KIAA0319L: variants seen among roughly 807,000 people sequenced by gnomAD.
KIAA0319L encodes the protein KIAA0319 like.
A neutral mutation model predicts 120.1 loss-of-function variants in KIAA0319L; 55 were observed. The ratio of observed to expected loss-of-function variants is 0.46; its 90% confidence interval spans 0.37 to 0.57. The LOEUF (loss-of-function observed/expected upper bound fraction) is 0.57, where lower values mean the gene tolerates loss of function less well. Among genes scored for constraint, KIAA0319L ranks in the 20% least tolerant of loss-of-function variants. The probability of loss-of-function intolerance (pLI) is 0.00; values close to 1 mark genes in which losing one functional copy is unlikely to be tolerated. For synonymous variants in KIAA0319L, 398 were observed against 471.9 expected, an observed-to-expected ratio of 0.84 and a Z score of 2.03; for missense variants, 1,049 against 1,255.3, an observed-to-expected ratio of 0.84 and a Z score of 2.48.
At chr1:35,518,313 C>G (rs186145884) in intron 2 of KIAA0319L, among the ~76,000 whole-genome samples, 1 of 152,190 alleles carries the variant, frequency 6.6e-6, no homozygotes, top group African/African-American at 2.4e-5. Flanking sequence ...ATGGAATCAA[C>G]CTAAATGTTC....
chr1:35,474,020 GAATT>G (rs150993687), intron 5 of KIAA0319L, among the ~76,000 whole-genome samples: 3 of 152,254 alleles, frequency 2.0e-5, no homozygotes, highest in African/African-American at 7.2e-5. Flanking sequence ...CTTAAATAAT[GAATT>G]AATCATCCAT....
chr1:35,476,617 G>T (rs1420349006), intron 4 of KIAA0319L, among the ~76,000 whole-genome samples: 1 of 152,060 alleles, frequency 6.6e-6, no homozygotes, highest in African/African-American at 2.4e-5. Context: ...AGAAAAGAAA[G>T]AAACATGATA....
chr1:35,445,090 C>T (rs1641520404), intron 16 of KIAA0319L, among the ~76,000 whole-genome samples: 1 of 152,076 alleles, frequency 6.6e-6, no homozygotes, highest in Non-Finnish European at 1.5e-5. Context: ...ATATTGATCC[C>T]CTCATCATGC....
At chr1:35,548,426 T>A (rs1380415431) in intron 2 of KIAA0319L, among the ~76,000 whole-genome samples, 2 of 152,164 alleles carry the variant, frequency 1.3e-5, no homozygotes, top group African/African-American at 4.8e-5. Flanking sequence ...GTATTAATAG[T>A]TTTATATTTA....
chr1:35,443,254 G>A, intron 17 of KIAA0319L: 1 of 527,756 alleles, frequency 1.9e-6, no homozygotes, highest in Admixed American at 3.2e-5. Context: ...TTCACTTGTT[G>A]TTTGTCTATA....
chr1:35,512,906 GATA>G, intron 2 of KIAA0319L, among the ~76,000 whole-genome samples: 2 of 150,360 alleles, frequency 1.3e-5, no homozygotes, highest in East Asian at 3.9e-4. Context: ...TGAAAGAAGG[GATA>G]TTACTACAGA....
chr1:35,543,279 G>A (rs923011935), intron 2 of KIAA0319L, among the ~76,000 whole-genome samples: 8 of 152,168 alleles, frequency 5.3e-5, no homozygotes, highest in African/African-American at 7.2e-5. Context: ...TCCCCCAAGT[G>A]ACATGTACTC....
chr1:35,444,723 C>G (rs561496261), intron 16 of KIAA0319L, among the ~76,000 whole-genome samples: 1 of 152,306 alleles, frequency 6.6e-6, no homozygotes, highest in East Asian at 1.9e-4. Flanking sequence ...CCACCTTTTT[C>G]CAGCTAAGAC....
At chr1:35,510,700 G>A (rs553128070) in intron 2 of KIAA0319L, 13 of 151,618 alleles carry the variant, frequency 8.6e-5, no homozygotes, top group African/African-American at 2.2e-4. Context: ...CTTGACCTTC[G>A]GGCCCAAGCA....
At chr1:35,524,954 T>C (rs918369611) in intron 2 of KIAA0319L, among the ~76,000 whole-genome samples, 32 of 152,308 alleles carry the variant, frequency 2.1e-4, no homozygotes, top group African/African-American at 7.7e-4. Flanking sequence ...TCTATCTAGC[T>C]GTGTGTATAT....
chr1:35,482,046 A>C (rs910097998), intron 3 of KIAA0319L, among the ~76,000 whole-genome samples: 1 of 151,756 alleles, frequency 6.6e-6, no homozygotes, highest in Non-Finnish European at 1.5e-5. Flanking sequence ...GGATGGTCTC[A>C]ATCTCCTGAC....
intron 5 of KIAA0319L, among the ~76,000 whole-genome samples, chr1:35,471,455 C>T (rs1643618657): frequency 6.6e-6 from 1 of 152,206 alleles, no homozygotes; most frequent in South Asian, 2.1e-4. Context: ...AAAAGAGCTA[C>T]TTCATTCCTG....
rs1640666939 is a variant in KIAA0319L at position 35,434,972 on chromosome 1, G to A, written c.3072C>T (p.Leu1024=). Residue 1024 remains leucine (L), a synonymous_variant, in exon 21 of 21, where the codon CTC becomes CTT. Coordinates refer to ENST00000325722, the MANE Select transcript of KIAA0319L (RefSeq NM_024874.5). ...GTACAGAGCCATTCTGACCATGCAG[G>A]AGTTTGCCCTTCTCTCGGTCTGGCC... The part of the protein sequence containing the change: ...FTWPDREKGK[L]LHGQNGSVPN... The A allele has an allele frequency of 1.2e-6, 2 of 1,614,076 alleles. No individual in the cohort carries two copies. The highest frequency in any genetic ancestry group is 2.2e-5 in the South Asian group (2 of 91,082).
intron 2 of KIAA0319L, among the ~76,000 whole-genome samples, chr1:35,536,555 G>T (rs1275491842): frequency 6.6e-6 from 1 of 152,194 alleles, no homozygotes; most frequent in African/African-American, 2.4e-5. Flanking sequence ...AACAGAAAAA[G>T]ATACCTCAAA....
chr1:35,541,041 G>A (rs899759701), intron 2 of KIAA0319L, among the ~76,000 whole-genome samples: 5 of 151,622 alleles, frequency 3.3e-5, no homozygotes, highest in African/African-American at 7.3e-5. Context: ...TCCTGGGCTC[G>A]AGCGATCCTC....
intron 1 of KIAA0319L, among the ~76,000 whole-genome samples, chr1:35,555,886 A>G (rs1420868538): frequency 6.6e-6 from 1 of 152,236 alleles, no homozygotes; most frequent in Non-Finnish European, 1.5e-5. Flanking sequence ...CACTGGACTA[A>G]CAAGCTGATT....
rs1400835551 is a variant in KIAA0319L at position 35,456,152 on chromosome 1, T to G, written c.1517A>C (p.Asn506Thr). The change falls in exon 10 of 21, where the codon AAC (asparagine) becomes ACC (threonine). Residue 506 changes from asparagine to threonine, a missense_variant. Asn to Thr is a moderately conservative substitution (Grantham distance 65). Transcript: ENST00000325722. ...GGTGATCACTTGGTTGGGGCCTGCG[T>G]TGGCCACAGGGGGGTAATCCACAGC... ...NKAVDYPPVA[N>T]AGPNQVITLP... 6 of 1,613,904 alleles carry G rather than the reference T, an allele frequency of 3.7e-6. No homozygotes were observed. The highest frequency in any genetic ancestry group is 5.1e-6 in the Non-Finnish European group (6 of 1,179,910).
intron 2 of KIAA0319L, among the ~76,000 whole-genome samples, chr1:35,530,355 T>C (rs1476588796): frequency 6.6e-6 from 1 of 152,182 alleles, no homozygotes; most frequent in East Asian, 1.9e-4. Context: ...TTCTGCTTTA[T>C]CATCTAGTTT....
chr1:35,478,786 G>C (rs1415598246), intron 4 of KIAA0319L, among the ~76,000 whole-genome samples, 180 bp downstream of exon 4: 1 of 152,202 alleles, frequency 6.6e-6, no homozygotes, highest in Non-Finnish European at 1.5e-5. Flanking sequence ...ATAAGCTGGA[G>C]GCCTGCTGAG....
Sources: allele counts gnomAD v4.1 joint callset (sites outside exome capture counted in the v4.1 genomes callset), GRCh38; gene constraint gnomAD v4.1.1; transcripts MANE v1.5; gene names NCBI Gene and HGNC (gene_info 2026-07-23, HGNC 2026-07-21).